STPG4: variants seen among roughly 807,000 people sequenced by gnomAD.
The protein encoded by STPG4 is protein STPG4.
A neutral mutation model predicts 31.5 loss-of-function variants in STPG4; 41 were observed. That is an observed-to-expected ratio of 1.30 (90% confidence interval 1.01 to 1.69). STPG4 has a LOEUF of 1.69. Ranked by LOEUF, STPG4 falls within the 40% of genes most tolerant of loss-of-function variation. The probability of loss-of-function intolerance (pLI) is 0.00; values close to 1 mark genes in which losing one functional copy is unlikely to be tolerated. For missense variants in STPG4, 375 were observed against 293.4 expected, an observed-to-expected ratio of 1.28 and a Z score of -2.03; for synonymous variants, 141 against 103.0, an observed-to-expected ratio of 1.37 and a Z score of -2.24.
At chr2:47,087,306 C>A (rs1685476908) in intron 6 of STPG4, among the ~76,000 whole-genome samples, 176 bp from the exon 7 acceptor site, 2 of 152,248 alleles carry the variant, frequency 1.3e-5, no homozygotes, top group South Asian at 4.1e-4. Context: ...GTCCTTGGAG[C>A]AGAGGCTGCT....
chr2:47,112,539 G>C (rs1573166361), intron 5 of STPG4, among the ~76,000 whole-genome samples: 1 of 152,282 alleles, frequency 6.6e-6, no homozygotes, highest in East Asian at 1.9e-4. Context: ...ATCATGTTAA[G>C]AAAGGAAAGA....
intron 5 of STPG4, among the ~76,000 whole-genome samples, chr2:47,123,485 T>A (rs1384258982): frequency 6.6e-6 from 1 of 152,086 alleles, no homozygotes; most frequent in African/African-American, 2.4e-5. Flanking sequence ...AGATACATTT[T>A]AAAAGGTATT....
intron 5 of STPG4, among the ~76,000 whole-genome samples, chr2:47,113,166 A>G (rs1686076494): frequency 6.6e-6 from 1 of 152,210 alleles, no homozygotes. Context: ...GGCATTGATA[A>G]ATAAGGCAGA....
intron 1 of STPG4, among the ~76,000 whole-genome samples, chr2:47,153,847 C>A (rs749651902): frequency 1.3e-5 from 2 of 152,140 alleles, no homozygotes; most frequent in Non-Finnish European, 2.9e-5. Context: ...TAAATGGTAG[C>A]TTTAATTTTT....
rs116630213 is a variant in STPG4 at position 47,151,306 on chromosome 2, G to C, written c.351C>G (p.Phe117Leu). Reference protein sequence around the residue: ...LLKKQVATYSFKDKPRPSPST... With the variant: ...LLKKQVATYSLKDKPRPSPST... ...TGGGGCTTGGCCGTGGTTTGTCTTT[G>C]AATGAGTAAGTAGCCACTTGCTTCT... The change falls in exon 3 of 7, where the codon TTC becomes TTG. Residue 117 changes from phenylalanine (F) to leucine (L), a missense_variant. Physicochemically the swap from Phe to Leu is conservative, Grantham distance 22. Coordinates refer to ENST00000445927, the MANE Select transcript of STPG4 (RefSeq NM_001163561.2). 4.7e-4 allele frequency: 766 copies of C among 1,614,200 alleles called. 4 individuals carry two copies. In the African/African-American group the frequency reaches 9.3e-3, roughly 20 times the overall value.
At chr2:47,145,362 A>G (rs568557936) in intron 3 of STPG4, among the ~76,000 whole-genome samples, 46 of 152,330 alleles carry the variant, frequency 3.0e-4, no homozygotes, top group Non-Finnish European at 4.7e-4. Flanking sequence ...GACTGCAGAG[A>G]GTTGCCTAAG....
At chr2:47,091,695 G>A (rs1013885736) in intron 5 of STPG4, among the ~76,000 whole-genome samples, 1 of 152,174 alleles carries the variant, frequency 6.6e-6, no homozygotes, top group Non-Finnish European at 1.5e-5. Flanking sequence ...CTAGGTATAT[G>A]AGGTTTCAAT....
chr2:47,154,319 C>G (rs1215725275), intron 1 of STPG4, among the ~76,000 whole-genome samples: 1 of 152,178 alleles, frequency 6.6e-6, no homozygotes, highest in Non-Finnish European at 1.5e-5. Flanking sequence ...CTCTGTTGCA[C>G]TTTTATAGTC....
intron 6 of STPG4, among the ~76,000 whole-genome samples, chr2:47,087,957 G>T (rs1685494809): frequency 6.6e-6 from 1 of 151,988 alleles, no homozygotes; most frequent in South Asian, 2.1e-4. Context: ...GTTTCACCAT[G>T]TTGCCCAGGT....
intron 5 of STPG4, among the ~76,000 whole-genome samples, chr2:47,123,270 C>A (rs1019437124): frequency 6.6e-6 from 1 of 152,080 alleles, no homozygotes; most frequent in African/African-American, 2.4e-5. Flanking sequence ...AATAGAAAAG[C>A]ATTTTCATAT....
intron 5 of STPG4, among the ~76,000 whole-genome samples, chr2:47,102,242 C>G (rs1291941232): frequency 7.4e-6 from 1 of 135,960 alleles, no homozygotes; most frequent in East Asian, 1.9e-4. Flanking sequence ...ATTGCAGGTT[C>G]TCGAGCAGGG....
intron 5 of STPG4, among the ~76,000 whole-genome samples, chr2:47,112,604 A>C (rs1204756562): frequency 6.6e-6 from 1 of 152,208 alleles, no homozygotes; most frequent in Non-Finnish European, 1.5e-5. Flanking sequence ...GTATTTGAAG[A>C]GACTAGGTGA....
chr2:47,103,191 G>T (rs146423430), intron 5 of STPG4, among the ~76,000 whole-genome samples: 3,988 of 151,868 alleles, frequency 0.026, 247 homozygotes, highest in African/African-American at 0.092. Context: ...GGACTAAGGA[G>T]AACTAGAAAA....
chr2:47,087,856 C>A (rs534314328), intron 6 of STPG4, among the ~76,000 whole-genome samples: 1 of 152,246 alleles, frequency 6.6e-6, no homozygotes, highest in Non-Finnish European at 1.5e-5. Flanking sequence ...TCAAGCGATT[C>A]TCCTGCCTCA....
At chr2:47,144,707 A>T (rs115381973) in intron 3 of STPG4, among the ~76,000 whole-genome samples, 23 of 145,474 alleles carry the variant, frequency 1.6e-4, no homozygotes, top group Admixed American at 4.1e-4. Flanking sequence ...ATAAAATATT[A>T]AAAAAAAACA....
chr2:47,129,783 G>C (rs543193798), intron 5 of STPG4, 158 bp downstream of exon 5: 1 of 848,006 alleles, frequency 1.2e-6, no homozygotes, highest in African/African-American at 1.7e-5. Flanking sequence ...TTCTTACAGA[G>C]GTGTTTTCTT....
chr2:47,136,891 G>T (rs80055635), intron 3 of STPG4, among the ~76,000 whole-genome samples: 1 of 152,074 alleles, frequency 6.6e-6, no homozygotes, highest in South Asian at 2.1e-4. Context: ...AATTTTTGTT[G>T]ATTCTTTTGG....
chr2:47,088,485 G>A (rs1216039042), intron 6 of STPG4, among the ~76,000 whole-genome samples: 1 of 152,184 alleles, frequency 6.6e-6, no homozygotes. Flanking sequence ...AGCTCAGTGG[G>A]AGCCTGGGCA....
intron 3 of STPG4, among the ~76,000 whole-genome samples, chr2:47,142,836 CTTTTT>C (rs10686388): frequency 1.4e-5 from 1 of 73,834 alleles, no homozygotes; most frequent in African/African-American, 5.5e-5. Context: ...TTTATCTCAT[CTTTTT>C]TTTTTTTTTT....
Sources: gnomAD v4.1 joint callset for allele counts (sites outside exome capture counted in the v4.1 genomes callset) on GRCh38, gnomAD v4.1.1 for gene constraint, MANE v1.5 for transcripts, NCBI Gene and HGNC (gene_info 2026-07-23, HGNC 2026-07-21) for gene names.